The following ARSL variants were observed in gnomAD, a reference collection of about 807,000 sequenced individuals.
ARSL encodes arylsulfatase L.
In ARSL, 4 loss-of-function variants were observed where a neutral mutation model predicts 31.1. The ratio of observed to expected loss-of-function variants is 0.13; its 90% CI spans 0.06 to 0.29. ARSL has a LOEUF of 0.29. Ranked by LOEUF, ARSL falls within the 10% of genes least tolerant of loss-of-function variation. The pLI is 1.00. For missense variants in ARSL, 312 were observed against 497.8 expected (o/e 0.63, Z 3.55); for synonymous variants, 198 against 209.9 (o/e 0.94, Z 0.49).
At chrX:2,963,396 C>G (rs778842849) in intron 1 of ARSL, among the ~76,000 whole-genome samples, 1 of 110,734 alleles carries the variant, frequency 9.0e-6, no homozygotes, top group South Asian at 3.9e-4. Flanking sequence ...AAATACTGTA[C>G]AAATGTAATG....
At chrX:2,957,471 G>A (rs751240611) in intron 3 of ARSL, among the ~76,000 whole-genome samples, 27 of 110,370 alleles carry the variant, frequency 2.4e-4, no homozygotes, top group African/African-American at 8.9e-4. Flanking sequence ...CACTTTGGGA[G>A]GCTGAAGCGG....
At chrX:2,946,322 CTT>C (rs747661858) in intron 6 of ARSL, among the ~76,000 whole-genome samples, 188 bp from the exon 7 acceptor site, 66 of 69,111 alleles carry the variant, frequency 9.5e-4, no homozygotes, top group African/African-American at 3.8e-3. Flanking sequence ...AACAATCTTC[CTT>C]TTTTTTTTTT....
intron 2 of ARSL, among the ~76,000 whole-genome samples, chrX:2,960,065 C>G (rs1336899726): frequency 1.3e-4 from 14 of 103,733 alleles, no homozygotes; most frequent in East Asian, 9.0e-4. Flanking sequence ...GTCAGGAGAT[C>G]GAGACCATCC....
intron 1 of ARSL, among the ~76,000 whole-genome samples, chrX:2,960,889 C>T (rs905151581): frequency 9.0e-6 from 1 of 111,298 alleles, no homozygotes; most frequent in African/African-American, 3.3e-5. Flanking sequence ...TTGGATGATA[C>T]ACAAAAGAAT....
intron 6 of ARSL, among the ~76,000 whole-genome samples, chrX:2,948,389 A>T (rs1275946693): frequency 1.8e-5 from 2 of 111,613 alleles, no homozygotes; most frequent in African/African-American, 6.5e-5. Context: ...TAAGTTTATA[A>T]TTGATTATAA....
chrX:2,953,163 C>A lies in ARSL; in HGVS notation c.410G>T (p.Gly137Val), dbSNP rs80338711. 8.3e-7 allele frequency: 1 copy of A among 1,208,663 alleles called. No individual in the cohort carries two copies. Among genetic ancestry groups the A allele is most frequent in the African/African-American group, 1.7e-5 (1 of 57,299 alleles). Residue 137 changes from glycine to valine, a missense_variant, in exon 5 of 11, where the codon GGC (glycine) becomes GTC (valine). Coordinates refer to ENST00000381134, the MANE Select transcript of ARSL (RefSeq NM_000047.3). The part of the protein sequence containing the change: ...TTFAKILKEK[G>V]YATGLIGKWH... ...CATACCAATGAGTCCAGTGGCATAG[C>A]CTTTCTCTTTCAGTATTTTTGCAAA... is the stretch of plus-strand genomic sequence containing the variant.
chrX:2,956,045 T>C (rs145037893), intron 3 of ARSL, among the ~76,000 whole-genome samples: 2,108 of 111,363 alleles, frequency 0.019, 54 homozygotes, highest in African/African-American at 0.065. Context: ...CTAAAATAAA[T>C]AAATGAATGA....
chrX:2,943,105 A>C lies in ARSL; in HGVS notation c.1086T>G (p.Leu362=). 8.3e-7 allele frequency: 1 copy of C among 1,211,181 alleles called. No homozygotes were observed. Among genetic ancestry groups the C allele is most frequent in the East Asian group, 3.0e-5 (1 of 33,824 alleles). The change falls in exon 8 of 11, where the codon CTT becomes CTG. Residue 362 remains leucine, a synonymous_variant. Transcript: ENST00000381134. The part of the protein sequence containing the change: ...SDHGGSLENQ[L]GNTQYGGWNG... ...TCCAGCCACCATACTGGGTGTTTCC[A>C]AGTTGATTCTCTAGGGAACCGCCGT...
In ARSL at chrX:2,961,394, T is replaced by C. The variant is rs150188007; in HGVS notation, c.-20-974A>G. 0.011 allele frequency among the ~76,000 whole-genome samples: 1,275 copies of C among 111,494 alleles called. 51 individuals are homozygous for C. The East Asian group carries it at 0.16, about 14-fold the overall frequency. Reference sequence around the variant, plus strand: ...GGGACTGAGGACGAAGCTCTGATTTTTCTTTTTATCTTGCCCAAATTCCTA... The same window carrying C: ...GGGACTGAGGACGAAGCTCTGATTTCTCTTTTTATCTTGCCCAAATTCCTA... On this transcript the variant is annotated intron_variant, in intron 1 of 10. Transcript: ENST00000381134.
chrX:2,957,220 CA>C lies in ARSL; in HGVS notation c.185+1053del, dbSNP rs746761169. Reference sequence around the variant, plus strand: ...TGGGTGACAGAGCGAGACTCCGTCTCAAAAAAAAAAAATTAATGTTTATATT... The same window carrying C: ...TGGGTGACAGAGCGAGACTCCGTCTCAAAAAAAAAAATTAATGTTTATATT... On this transcript the variant is annotated intron_variant, in intron 3 of 10. Coordinates refer to ENST00000381134, the MANE Select transcript of ARSL (RefSeq NM_000047.3). Among the ~76,000 whole-genome samples the C allele has an allele frequency of 3.1e-3, 286 of 90,860 alleles. 5 individuals are homozygous for C. Among genetic ancestry groups the C allele is most frequent in the African/African-American group, 9.4e-3 (229 of 24,396 alleles). The allele number at this position is 90,860 out of a possible 115,157, so 78.9% of individuals were successfully genotyped here.
intron 3 of ARSL, among the ~76,000 whole-genome samples, chrX:2,956,678 G>T (rs1419677978): frequency 3.7e-5 from 4 of 108,740 alleles, no homozygotes; most frequent in African/African-American, 1.0e-4. Context: ...GGCCAGGCTG[G>T]TCTCGAACTC....
chrX:2,949,228 A>C (rs749320087), intron 6 of ARSL, 76 bp downstream of exon 6: 2 of 1,136,961 alleles, frequency 1.8e-6, no homozygotes, highest in African/African-American at 1.8e-5. Flanking sequence ...ACCATGCCTG[A>C]CTGAAGAAGA....
rs978143229 is a variant in ARSL, at chrX:2,945,400, A to G, written c.991+598T>C. 1.1e-4 allele frequency among the ~76,000 whole-genome samples: 12 copies of G among 111,862 alleles called. No homozygotes were observed. The Admixed American group carries it at 1.1e-3, about 11-fold the overall frequency. ...GTGCAGTGGAGCCACTAGCCACTCT[A>G]CAGCGGAGAGGAATTTTATCTGCTC... On this transcript the variant is annotated intron_variant, in intron 7 of 10. Transcript: ENST00000381134.
At chrX:2,964,588 A>G (rs1422269672), upstream of ARSL, 3 of 385,981 alleles carry the variant, frequency 7.8e-6, no homozygotes, top group African/African-American at 5.6e-5. Context: ...AAGTGCTGGG[A>G]TTACAGATGT....
chrX:2,953,102 T>C (rs769376145), intron 5 of ARSL, 41 bp downstream of exon 5: 1 of 1,195,744 alleles, frequency 8.4e-7, no homozygotes, highest in East Asian at 3.0e-5. Flanking sequence ...GTCCCTTCCA[T>C]ATAAAAGTCA....
At chrX:2,948,928 A>G (rs774658244) in intron 6 of ARSL, among the ~76,000 whole-genome samples, 2 of 108,266 alleles carry the variant, frequency 1.8e-5, no homozygotes, top group South Asian at 8.0e-4. Flanking sequence ...AAAGAAAACG[A>G]CTTTTTTTTT....
intron 2 of ARSL, among the ~76,000 whole-genome samples, chrX:2,958,968 G>C (rs1337929928): frequency 1.8e-5 from 2 of 111,992 alleles, no homozygotes; most frequent in Non-Finnish European, 3.8e-5. Flanking sequence ...ACAGAGCAAG[G>C]CTGTCTCAAA....
In ARSL at chrX:2,938,104, G is replaced by C; in HGVS notation, c.1280C>G (p.Pro427Arg). Residue 427 changes from proline to arginine, a missense_variant, in exon 9 of 11, where the codon CCC (proline) becomes CGC (arginine). Physicochemically the swap from Pro to Arg is moderately radical, Grantham distance 103. Coordinates refer to ENST00000381134, the MANE Select transcript of ARSL (RefSeq NM_000047.3). ...TTGGGTTGTTCTGTACCTGTCCTGG[G>C]GCACCTCGCCGCCCGCCAGCCGGAC... is the stretch of plus-strand genomic sequence containing the variant. ...TVVRLAGGEV[P>R]QDRVIDGQDL... 1 of 1,211,452 alleles carries C rather than the reference G, an allele frequency of 8.3e-7. No individual in the cohort carries two copies. Among genetic ancestry groups the C allele is most frequent in the Non-Finnish European group, 1.1e-6 (1 of 895,420 alleles).
At chrX:2,964,776 C>A (rs1289812717), upstream of ARSL, among the ~76,000 whole-genome samples, 1 of 110,770 alleles carries the variant, frequency 9.0e-6, no homozygotes, top group Non-Finnish European at 1.9e-5. Context: ...TCAGAGCAGC[C>A]TGGGCAGCAA....
Sources: gnomAD v4.1 joint callset for allele counts (sites outside exome capture counted in the v4.1 genomes callset) on GRCh38, gnomAD v4.1.1 for gene constraint, MANE v1.5 for transcripts, NCBI Gene and HGNC (gene_info 2026-07-23, HGNC 2026-07-21) for gene names.